The following PDE1A variants were observed in gnomAD, a reference collection of about 807,000 sequenced individuals.
PDE1A encodes the protein dual specificity calcium/calmodulin-dependent 3',5'-cyclic nucleotide phosphodiesterase 1A.
A neutral mutation model predicts 61.7 loss-of-function variants in PDE1A; 35 were observed. The ratio of observed to expected loss-of-function variants is 0.57; its 90% CI spans 0.43 to 0.75. The LOEUF (loss-of-function observed/expected upper bound fraction) is 0.75, where lower values mean the gene tolerates loss of function less well. Ranked by LOEUF, PDE1A falls within the 30% of genes least tolerant of loss-of-function variation. PDE1A has a pLI of 0.00. For synonymous variants in PDE1A, 232 were observed against 213.2 expected (o/e 1.09, Z -0.77); for missense variants, 597 against 630.6 (o/e 0.95, Z 0.57).
At chr2:182,566,816 C>A in the PDE1A span, among the ~76,000 whole-genome samples, 2 of 152,098 alleles carry the variant, frequency 1.3e-5, no homozygotes, top group African/African-American at 4.8e-5. Flanking sequence ...TAAATAGCAA[C>A]ACTGCTATGG....
At chr2:182,450,562 A>AG in intron 2 of PDE1A, among the ~76,000 whole-genome samples, 1 of 151,922 alleles carries the variant, frequency 6.6e-6, no homozygotes, top group East Asian at 1.9e-4. Flanking sequence ...TTCATAAAAA[A>AG]AAAAACCAAC....
intron 13 of PDE1A, among the ~76,000 whole-genome samples, chr2:182,150,316 A>G (rs1359893248): frequency 2.0e-5 from 3 of 152,218 alleles, no homozygotes; most frequent in Non-Finnish European, 4.4e-5. Context: ...GGCAAGAAAT[A>G]GGTCCAGAAT....
At chr2:182,207,365 A>G (rs1298167825) in intron 7 of PDE1A, among the ~76,000 whole-genome samples, 1 of 152,188 alleles carries the variant, frequency 6.6e-6, no homozygotes, top group Non-Finnish European at 1.5e-5. Flanking sequence ...CTTTAGCAAA[A>G]AGACTGATGG....
intron 13 of PDE1A, among the ~76,000 whole-genome samples, chr2:182,174,930 T>A (rs1692594513): frequency 6.6e-6 from 1 of 152,082 alleles, no homozygotes; most frequent in South Asian, 2.1e-4. Context: ...GTGTATGATG[T>A]TCCCTTCCCT....
chr2:182,214,032 C>A (rs1464779617), intron 7 of PDE1A, among the ~76,000 whole-genome samples: 16 of 142,628 alleles, frequency 1.1e-4, no homozygotes, highest in Admixed American at 1.1e-3. Context: ...GGTCGGGTTA[C>A]CCTCAAAGGG....
chr2:182,343,504 G>A (rs1007859313), intron 1 of PDE1A, among the ~76,000 whole-genome samples: 1 of 152,102 alleles, frequency 6.6e-6, no homozygotes, highest in African/African-American at 2.4e-5. Context: ...TTTCTTCTAA[G>A]ATAAGAAAAC....
upstream of PDE1A, chr2:182,427,050 C>A: frequency 7.1e-6 from 7 of 990,720 alleles, no homozygotes; most frequent in Non-Finnish European, 8.4e-6. Flanking sequence ...AAGTCCCTCC[C>A]TGTCTTTAAA....
chr2:182,224,373 T>C (rs1170499649), intron 6 of PDE1A, among the ~76,000 whole-genome samples: 2 of 151,928 alleles, frequency 1.3e-5, no homozygotes, highest in African/African-American at 4.8e-5. Flanking sequence ...CAATCTACTA[T>C]GAAAAAAAAT....
At chr2:182,212,024 GCATACTT>G (rs1559192734) in intron 7 of PDE1A, among the ~76,000 whole-genome samples, 1 of 151,914 alleles carries the variant, frequency 6.6e-6, no homozygotes, top group African/African-American at 2.4e-5. Context: ...CATTAGTATT[GCATACTT>G]CCAGTATGAT....
chr2:182,552,968 G>C, the PDE1A span, among the ~76,000 whole-genome samples: 3 of 152,138 alleles, frequency 2.0e-5, no homozygotes, highest in African/African-American at 4.8e-5. Flanking sequence ...GATCCAGCAG[G>C]GTGTCCGCTG....
At chr2:182,464,302 G>A (rs925697750) in intron 2 of PDE1A, among the ~76,000 whole-genome samples, 2 of 152,118 alleles carry the variant, frequency 1.3e-5, no homozygotes, top group African/African-American at 4.8e-5. Context: ...CACTGCAACA[G>A]GGTCTTGCAG....
downstream of PDE1A, among the ~76,000 whole-genome samples, chr2:182,164,925 C>T (rs1193071903): frequency 1.3e-5 from 2 of 152,152 alleles, no homozygotes; most frequent in African/African-American, 4.8e-5. Context: ...CTATTCCACA[C>T]AGCATTGTTT....
chr2:182,209,422 A>G (rs1010092095), intron 7 of PDE1A, among the ~76,000 whole-genome samples: 1 of 151,880 alleles, frequency 6.6e-6, no homozygotes, highest in African/African-American at 2.4e-5. Flanking sequence ...TCAACATGAG[A>G]TTTGGATGAG....
At chr2:182,187,007 T>C (rs1033524590) in intron 11 of PDE1A, among the ~76,000 whole-genome samples, 3 of 152,220 alleles carry the variant, frequency 2.0e-5, no homozygotes, top group Non-Finnish European at 4.4e-5. Context: ...AGAAATCATA[T>C]CTAAGCTCCA....
the PDE1A span, among the ~76,000 whole-genome samples, chr2:182,596,130 A>C: frequency 6.6e-6 from 1 of 152,266 alleles, no homozygotes; most frequent in African/African-American, 2.4e-5. Flanking sequence ...CAGAACAGGC[A>C]TAAGGAGTGT....
chr2:182,277,586 T>G (rs1693516819), intron 1 of PDE1A, among the ~76,000 whole-genome samples: 1 of 152,076 alleles, frequency 6.6e-6, no homozygotes, highest in Admixed American at 6.6e-5. Context: ...AGCAAGTAAC[T>G]TGGCAAGACG....
chr2:182,589,022 G>A, the PDE1A span, among the ~76,000 whole-genome samples: 2 of 148,758 alleles, frequency 1.3e-5, no homozygotes, highest in African/African-American at 4.9e-5. Context: ...CAGCCTGGGC[G>A]ACAGAGTGAA....
intron 2 of PDE1A, among the ~76,000 whole-genome samples, chr2:182,243,755 T>C (rs996183161): frequency 6.6e-5 from 10 of 152,348 alleles, no homozygotes; most frequent in African/African-American, 9.6e-5. Context: ...AAAAATGGTC[T>C]TTTATTTTGG....
the PDE1A span, among the ~76,000 whole-genome samples, chr2:182,705,153 T>TCC: frequency 6.6e-6 from 1 of 152,190 alleles, no homozygotes; most frequent in Non-Finnish European, 1.5e-5. Context: ...AAGGGCCAAA[T>TCC]CTCATGTATG....
Sources: allele counts gnomAD v4.1 joint callset (sites outside exome capture counted in the v4.1 genomes callset), GRCh38; gene constraint gnomAD v4.1.1; transcripts MANE v1.5; gene names NCBI Gene and HGNC (gene_info 2026-07-23, HGNC 2026-07-21).